Variants in TMEM131 observed in about 807,000 individuals in gnomAD.
TMEM131 encodes transmembrane protein 131.
TMEM131 carries 66 observed loss-of-function variants against 211.6 expected under a neutral mutation model. That is an observed-to-expected ratio of 0.31 (90% confidence interval 0.26 to 0.38). The LOEUF (loss-of-function observed/expected upper bound fraction) is 0.38, where lower values mean the gene tolerates loss of function less well. Ranked by LOEUF, TMEM131 falls within the 10% of genes least tolerant of loss-of-function variation. The pLI is 1.00. For missense variants in TMEM131, 2,036 were observed against 2,299.3 expected (o/e 0.89, Z 2.34); for synonymous variants, 844 against 841.3 (o/e 1.00, Z -0.06).
intron 4 of TMEM131, 88 bp downstream of exon 4, chr2:97,887,964 T>A: frequency 1.9e-6 from 2 of 1,040,568 alleles, no homozygotes; most frequent in Non-Finnish European, 2.9e-6. Flanking sequence ...CCCACATAGA[T>A]GTAACACAGG....
intron 5 of TMEM131, among the ~76,000 whole-genome samples, chr2:97,855,976 C>G (rs1471805248): frequency 6.6e-6 from 1 of 152,094 alleles, no homozygotes; most frequent in South Asian, 2.1e-4. Context: ...ATTAAGTATA[C>G]TGAAATAAGT....
intron 3 of TMEM131, among the ~76,000 whole-genome samples, chr2:97,890,332 T>C (rs752449433): frequency 1.3e-5 from 2 of 152,134 alleles, no homozygotes; most frequent in Non-Finnish European, 1.5e-5. Flanking sequence ...GCAGATACAA[T>C]CTAGGGTGGC....
chr2:97,866,984 A>T (rs1273397895), intron 4 of TMEM131, among the ~76,000 whole-genome samples: 2 of 152,198 alleles, frequency 1.3e-5, no homozygotes, highest in African/African-American at 4.8e-5. Flanking sequence ...ATTTCCTTTG[A>T]GCATCATGTT....
chr2:97,986,847 T>C (rs1183583453), intron 1 of TMEM131, among the ~76,000 whole-genome samples: 1 of 152,244 alleles, frequency 6.6e-6, no homozygotes, highest in East Asian at 1.9e-4. Flanking sequence ...CTACCCTCTC[T>C]TGTACACTGC....
intron 1 of TMEM131, among the ~76,000 whole-genome samples, chr2:97,962,417 T>C (rs954299861): frequency 1.3e-5 from 2 of 152,086 alleles, no homozygotes; most frequent in Admixed American, 1.3e-4. Context: ...GGCAGGAGAA[T>C]GGTGTGAACC....
intron 1 of TMEM131, among the ~76,000 whole-genome samples, chr2:97,931,408 ATTTAG>A (rs1276190475): frequency 2.6e-5 from 4 of 152,246 alleles, no homozygotes; most frequent in African/African-American, 9.6e-5. Flanking sequence ...TCCCTATTTC[ATTTAG>A]TTAAGATTAA....
intron 1 of TMEM131, among the ~76,000 whole-genome samples, chr2:97,981,774 G>A (rs953473155): frequency 1.3e-5 from 2 of 151,980 alleles, no homozygotes; most frequent in African/African-American, 4.8e-5. Flanking sequence ...TGCCTATTCT[G>A]GACATTTCAT....
chr2:97,846,270 G>A (rs186783009), intron 5 of TMEM131, among the ~76,000 whole-genome samples: 3 of 152,192 alleles, frequency 2.0e-5, no homozygotes, highest in East Asian at 1.9e-4. Flanking sequence ...AATATCCTTC[G>A]TAAACATAGA....
At chr2:97,852,072 CAT>C (rs1008849108) in intron 5 of TMEM131, among the ~76,000 whole-genome samples, 14 of 151,676 alleles carry the variant, frequency 9.2e-5, no homozygotes, top group African/African-American at 2.9e-4. Flanking sequence ...AGTGAACACA[CAT>C]GTGGTAAAGA....
At chr2:97,866,573 T>G (rs1181968854) in intron 4 of TMEM131, among the ~76,000 whole-genome samples, 1 of 152,198 alleles carries the variant, frequency 6.6e-6, no homozygotes, top group Non-Finnish European at 1.5e-5. Flanking sequence ...TTTAGTTGGC[T>G]CTTTTGCTAG....
chr2:97,912,194 A>T (rs1676318442), intron 2 of TMEM131, among the ~76,000 whole-genome samples: 1 of 152,222 alleles, frequency 6.6e-6, no homozygotes, highest in African/African-American at 2.4e-5. Context: ...ATACATAAAA[A>T]CTGTTATAAT....
intron 4 of TMEM131, among the ~76,000 whole-genome samples, chr2:97,871,139 TTATA>T (rs2105222669): frequency 6.6e-6 from 1 of 152,322 alleles, no homozygotes; most frequent in Admixed American, 6.5e-5. Context: ...AATGTAATAA[TTATA>T]TAAGCCAAAG....
At chr2:97,914,083 A>C (rs2104391561) in intron 2 of TMEM131, among the ~76,000 whole-genome samples, 1 of 152,296 alleles carries the variant, frequency 6.6e-6, no homozygotes, top group Non-Finnish European at 1.5e-5. Context: ...GTTCTCTGCA[A>C]ATCATCTCAT....
chr2:97,874,583 G>A (rs1674615970), intron 4 of TMEM131, among the ~76,000 whole-genome samples: 1 of 152,194 alleles, frequency 6.6e-6, no homozygotes, highest in African/African-American at 2.4e-5. Context: ...CATCCTTAAA[G>A]AAAAGAATTT....
At chr2:97,895,196 C>A (rs898651364) in intron 3 of TMEM131, among the ~76,000 whole-genome samples, 2 of 152,152 alleles carry the variant, frequency 1.3e-5, no homozygotes, top group Non-Finnish European at 2.9e-5. Context: ...TACGTTGAAC[C>A]AGCCTTACAT....
At chr2:97,985,958 A>G (rs555433494) in intron 1 of TMEM131, among the ~76,000 whole-genome samples, 85 of 152,100 alleles carry the variant, frequency 5.6e-4, no homozygotes, top group South Asian at 1.4e-3. Flanking sequence ...AAAAAAAAAA[A>G]AGAGAGTTGC....
chr2:97,833,892 G>A (rs1236417062), intron 10 of TMEM131, among the ~76,000 whole-genome samples: 1 of 151,972 alleles, frequency 6.6e-6, no homozygotes, highest in Non-Finnish European at 1.5e-5. Flanking sequence ...TGAACTCCTG[G>A]CCTCAAGTGC....
At chr2:97,825,738 C>T (rs183161460) in intron 11 of TMEM131, among the ~76,000 whole-genome samples, 247 of 152,330 alleles carry the variant, frequency 1.6e-3, no homozygotes, top group African/African-American at 5.6e-3. Flanking sequence ...CCACAACCAG[C>T]GGCATACCTA....
chr2:97,775,460 A>AT (rs1467146477), intron 32 of TMEM131, among the ~76,000 whole-genome samples: 1 of 152,212 alleles, frequency 6.6e-6, no homozygotes, highest in Non-Finnish European at 1.5e-5. Context: ...ACACAACCTA[A>AT]TTAAAATGGT....
Sources: gnomAD v4.1 joint callset for allele counts (sites outside exome capture counted in the v4.1 genomes callset) on GRCh38, gnomAD v4.1.1 for gene constraint, MANE v1.5 for transcripts, NCBI Gene and HGNC (gene_info 2026-07-23, HGNC 2026-07-21) for gene names.